NUDT22: variants seen among roughly 807,000 people sequenced by gnomAD.
NUDT22 encodes nudix hydrolase 22.
Under a neutral mutation model 28.8 loss-of-function variants are expected in NUDT22, and 23 were observed. The observed-to-expected ratio is 0.80, with a 90% CI of 0.58 to 1.13. NUDT22 has a LOEUF of 1.13. Ranked by LOEUF, NUDT22 falls within the 50% of genes most tolerant of loss-of-function variation. NUDT22 has a pLI of 0.00. For missense variants in NUDT22, 358 were observed against 387.3 expected, an observed-to-expected ratio of 0.92 and a Z score of 0.64; for synonymous variants, 175 against 173.7, an observed-to-expected ratio of 1.01 and a Z score of -0.06.
chr11:64,226,555 G>T lies in NUDT22; in HGVS notation c.-18-80G>T, dbSNP rs536503546. The T allele has an allele frequency of 1.0e-5, 15 of 1,500,314 alleles. No homozygotes were observed. The Admixed American group carries it at 3.4e-4, about 34-fold the overall frequency. 92.9% of individuals were successfully genotyped at this position (1,500,314 alleles called of 1,614,324 possible). On this transcript the variant is annotated intron_variant, in intron 1 of 5. Coordinates refer to ENST00000279206, the MANE Select transcript of NUDT22 (RefSeq NM_032344.4). ...CGCTGCGGATACCCTCAGGAGGTCTGCGACAGAGGGGGCTAGCTGCGCAGC... is the reference window on the plus strand; with the variant it reads ...CGCTGCGGATACCCTCAGGAGGTCTTCGACAGAGGGGGCTAGCTGCGCAGC...
At chr11:64,229,603 C>T in intron 5 of NUDT22, 32 bp downstream of exon 5, 1 of 1,595,246 alleles carries the variant, frequency 6.3e-7, no homozygotes. Flanking sequence ...TGCTTGGAGG[C>T]CAGGGCTGGG....
At position 64,227,018 on chromosome 11, in the gene NUDT22, G is replaced by A. The variant is rs550198017; in HGVS notation, c.366G>A (p.Gly122=). 25 of 1,602,852 alleles carry A rather than the reference G, an allele frequency of 1.6e-5. No individual in the cohort carries two copies. In the South Asian group the frequency reaches 2.7e-4, roughly 18 times the overall value. ...AGGCCTATCTGGCGGACCCACTGGG[G>A]GTGGGCGCTGCACTAGCCACAGCCG... ...DTQAYLADPL[G]VGAALATADD... The change falls in exon 2 of 6, where the codon GGG becomes GGA. Residue 122 remains glycine, a synonymous_variant. Transcript: ENST00000279206.
intron 3 of NUDT22, chr11:64,228,847 C>G (rs1947119409): frequency 5.9e-6 from 1 of 168,256 alleles, no homozygotes; most frequent in Non-Finnish European, 1.3e-5. Flanking sequence ...TGGCGTGCAC[C>G]TGTAATCCCA....
rs368859751 is a variant in NUDT22 at position 64,227,151 on chromosome 11, C to T, written c.480+19C>T. On this transcript the variant is annotated intron_variant, in intron 2 of 5. Transcript: ENST00000279206. ...GCCTCAGGTGAGATTCCAGGCTGGG[C>T]ACAAAGACCCAGACAGCTCAAGGGA... 124 of 1,571,918 alleles carry T rather than the reference C, an allele frequency of 7.9e-5. No homozygotes were observed. Among genetic ancestry groups the T allele is most frequent in the Middle Eastern group, 5.0e-4 (3 of 6,046 alleles).
intron 5 of NUDT22, 116 bp from the exon 6 acceptor site, chr11:64,229,734 C>T: frequency 1.4e-6 from 2 of 1,440,390 alleles, no homozygotes; most frequent in Non-Finnish European, 1.9e-6. Flanking sequence ...TGTTCAGCCC[C>T]TTAACATGCC....
chr11:64,227,613 C>G lies in NUDT22; in HGVS notation c.526C>G (p.Gln176Glu). 6.2e-7 allele frequency: 1 copy of G among 1,614,066 alleles called. No individual in the cohort carries two copies. The highest frequency in any genetic ancestry group is 1.1e-5 in the South Asian group (1 of 91,084). Residue 176 changes from glutamine (Q) to glutamate (E), a missense_variant, in exon 3 of 6, where the codon CAG becomes GAG. Gln to Glu is a conservative substitution (Grantham distance 29). Coordinates refer to ENST00000279206, the MANE Select transcript of NUDT22 (RefSeq NM_032344.4). ...GSPQHQDLAG[Q>E]LVVHELFSSV... is the part of the protein sequence containing the mutation. Reference sequence around the variant, plus strand: ...CCCCCAGCACCAGGACCTCGCTGGGCAGCTGGTGGTACATGAACTCTTTTC... The same window carrying G: ...CCCCCAGCACCAGGACCTCGCTGGGGAGCTGGTGGTACATGAACTCTTTTC...
At chr11:64,228,188 T>G (rs528064315) in intron 3 of NUDT22, among the ~76,000 whole-genome samples, 1 of 150,990 alleles carries the variant, frequency 6.6e-6, no homozygotes, top group South Asian at 2.1e-4. Context: ...TCTTCTTTTT[T>G]TTTTTTTTCT....
In NUDT22 at chr11:64,226,373, C is replaced by G. The variant is rs79420393; in HGVS notation, c.-73C>G. 10 of 1,279,078 alleles carry G rather than the reference C, an allele frequency of 7.8e-6. No homozygotes were observed. In the South Asian group the frequency reaches 2.6e-4, roughly 33 times the overall value. 79.2% of individuals were successfully genotyped at this position (1,279,078 alleles called of 1,614,324 possible). On this transcript the variant is annotated 5_prime_UTR_variant, in exon 1 of 6. Coordinates refer to ENST00000279206, the MANE Select transcript of NUDT22 (RefSeq NM_032344.4). ...GCGCGCCCCGGGTCGGAGGCAGACC[C>G]CTGGGTTTGGGGGACATGGGCATTT...
Position 64,226,342 on chromosome 11 carries a change from G to C in NUDT22, c.-104G>C. On this transcript the variant is annotated 5_prime_UTR_variant, in exon 1 of 6. Coordinates refer to ENST00000279206, the MANE Select transcript of NUDT22 (RefSeq NM_032344.4). ...TGGAGCTTCCGGGCCCTGGAAAGGGGTCCCCGCGCGCCCCGGGTCGGAGGC... is the reference window on the plus strand; with the variant it reads ...TGGAGCTTCCGGGCCCTGGAAAGGGCTCCCCGCGCGCCCCGGGTCGGAGGC... The C allele has an allele frequency of 8.2e-7, 1 of 1,221,188 alleles. No homozygotes were observed. The highest frequency in any genetic ancestry group is 1.0e-6 in the Non-Finnish European group (1 of 976,370). 75.6% of individuals were successfully genotyped at this position (1,221,188 alleles called of 1,614,324 possible).
chr11:64,229,620 A>G (rs1374672772), intron 5 of NUDT22, 49 bp downstream of exon 5: 1 of 1,540,766 alleles, frequency 6.5e-7, no homozygotes. Context: ...TGGGGCCTGC[A>G]GAGGCCTGGC....
At position 64,226,760 on chromosome 11, in the gene NUDT22, TG is replaced by T; in HGVS notation, c.112del (p.Asp38ThrfsTer12). On this transcript the variant is annotated frameshift_variant, in exon 2 of 6. Coordinates refer to ENST00000279206, the MANE Select transcript of NUDT22 (RefSeq NM_032344.4). LOFTEE classifies it high-confidence loss of function. ...PAHDRRPLPG[G>X]DEAITAIWET... The stretch of plus-strand genomic sequence containing the variant: ...CCCATGACCGTCGCCCACTGCCAGG[TG>T]GGGACGAGGCCATCACTGCCATCTG... 2 of 1,610,236 alleles carry T rather than the reference TG, an allele frequency of 1.2e-6. No individual in the cohort carries two copies. Among genetic ancestry groups the T allele is most frequent in the Non-Finnish European group, 1.7e-6 (2 of 1,179,902 alleles).
rs757864141 is a variant in NUDT22, at chr11:64,226,870, C to G, written c.218C>G (p.Ser73Cys). The G allele has an allele frequency of 4.4e-6, 7 of 1,605,834 alleles. No individual in the cohort carries two copies. In the African/African-American group the frequency reaches 6.7e-5, roughly 15 times the overall value. ...TCAGCCACCCTGGCGCCTATTGGCTCTCGGGGGCCACAGCTGCTCCTGCGC... is the reference window on the plus strand; with the variant it reads ...TCAGCCACCCTGGCGCCTATTGGCTGTCGGGGGCCACAGCTGCTCCTGCGC... ...LHSATLAPIG[S>C]RGPQLLLRLG... Residue 73 changes from serine to cysteine, a missense_variant, in exon 2 of 6, where the codon TCT becomes TGT. Transcript: ENST00000279206.
intron 1 of NUDT22, 39 bp downstream of exon 1, chr11:64,226,466 CG>C: frequency 7.1e-7 from 1 of 1,410,856 alleles, no homozygotes; most frequent in Non-Finnish European, 9.2e-7. Context: ...CTGCGGGACT[CG>C]GGGCTCCTGC....
At chr11:64,227,163 G>A (rs950198013) in intron 2 of NUDT22, 31 bp downstream of exon 2, 1 of 1,564,024 alleles carries the variant, frequency 6.4e-7, no homozygotes, top group African/African-American at 1.4e-5. Flanking sequence ...CAAAGACCCA[G>A]ACAGCTCAAG....
chr11:64,227,726 G>A, intron 3 of NUDT22, 60 bp downstream of exon 3: 1 of 1,390,982 alleles, frequency 7.2e-7, no homozygotes. Flanking sequence ...GGACTTGCCA[G>A]AATTCTACAG....
Position 64,229,279 on chromosome 11 carries a change from C to G in NUDT22, c.612C>G (p.Pro204=). Residue 204 remains proline, a synonymous_variant, in exon 4 of 6, where the codon CCC becomes CCG. Transcript: ENST00000279206. ...TGCCGCTGCTCACCCTGAGCCAGCC[C>G]CTGCTGTTGGGCATCGCCCGAAATG... ...VNLPLLTLSQ[P]LLLGIARNET... 6.3e-7 allele frequency: 1 copy of G among 1,595,276 alleles called. No homozygotes were observed. The highest frequency in any genetic ancestry group is 8.5e-7 in the Non-Finnish European group (1 of 1,170,510).
Position 64,226,707 on chromosome 11 carries a change from G to A in NUDT22, c.55G>A (p.Glu19Lys), listed in dbSNP as rs968108197. ...GTGCCCTGGCGGGGGCCTGCCCCAG[G>A]AGCAGATACAGGCCGAGCTGAGCCC... ...LQCPGGGLPQ[E>K]QIQAELSPAH... The change falls in exon 2 of 6, where the codon GAG becomes AAG. Residue 19 changes from glutamate to lysine, a missense_variant. Transcript: ENST00000279206. The A allele has an allele frequency of 1.5e-5, 24 of 1,610,278 alleles. 1 individual carries two copies. Among genetic ancestry groups the A allele is most frequent in the Admixed American group, 3.3e-5 (2 of 59,846 alleles).
At position 64,229,886 on chromosome 11, in the gene NUDT22, G is replaced by A. The variant is rs754950253; in HGVS notation, c.808G>A (p.Glu270Lys). 7 of 1,613,314 alleles carry A rather than the reference G, an allele frequency of 4.3e-6. No homozygotes were observed. The East Asian group carries it at 1.6e-4, about 36-fold the overall frequency. The change falls in exon 6 of 6, where the codon GAA (glutamate) becomes AAA (lysine). Residue 270 changes from glutamate (E) to lysine (K), a missense_variant. Transcript: ENST00000279206. ...QRLLETEMWA[E>K]LCPSAKGAII... is the part of the protein sequence containing the mutation. The stretch of plus-strand genomic sequence containing the variant: ...ATTGCTCGAGACGGAGATGTGGGCT[G>A]AACTCTGCCCCTCGGCCAAAGGCGC...
At chr11:64,229,125 C>T in intron 3 of NUDT22, 122 bp from the exon 4 acceptor site, 1 of 629,828 alleles carries the variant, frequency 1.6e-6, no homozygotes, top group Non-Finnish European at 2.7e-6. Context: ...ATGCTGGGTC[C>T]TTGATCTACA....
Sources: allele counts gnomAD v4.1 joint callset (sites outside exome capture counted in the v4.1 genomes callset), GRCh38; gene constraint gnomAD v4.1.1; transcripts MANE v1.5; gene names NCBI Gene and HGNC (gene_info 2026-07-23, HGNC 2026-07-21).